The following SAMD12 variants were observed in gnomAD, a reference collection of about 807,000 sequenced individuals.
SAMD12 encodes sterile alpha motif domain containing 12.
Under a neutral mutation model 15.0 loss-of-function variants are expected in SAMD12, and 9 were observed. That is an observed-to-expected ratio of 0.60 (90% confidence interval 0.36 to 1.05). The LOEUF (loss-of-function observed/expected upper bound fraction) is 1.05, where lower values mean the gene tolerates loss of function less well. Among genes scored for constraint, SAMD12 ranks in the 50% least tolerant of loss-of-function variants. The pLI is 0.01. For synonymous variants in SAMD12, 86 were observed against 90.1 expected (o/e 0.96, Z 0.25); for missense variants, 230 against 234.2 (o/e 0.98, Z 0.12).
chr8:118,245,315 T>G (rs1296057198), intron 4 of SAMD12, among the ~76,000 whole-genome samples: 1 of 152,108 alleles, frequency 6.6e-6, no homozygotes, highest in South Asian at 2.1e-4. Context: ...AACAGTGAAC[T>G]TATTCAACAG....
chr8:118,143,272 T>C, the SAMD12 span, among the ~76,000 whole-genome samples: 1 of 152,162 alleles, frequency 6.6e-6, no homozygotes, highest in Non-Finnish European at 1.5e-5. Flanking sequence ...GAATTACTTA[T>C]AGAATTAGTT....
chr8:118,477,882 G>A (rs547450522), intron 2 of SAMD12, among the ~76,000 whole-genome samples: 2 of 151,788 alleles, frequency 1.3e-5, no homozygotes, highest in Admixed American at 6.6e-5. Flanking sequence ...AGGTGTGGCA[G>A]AGGGTGCCTG....
chr8:118,522,733 C>T (rs4876849), intron 2 of SAMD12, among the ~76,000 whole-genome samples: 105,646 of 151,996 alleles, frequency 0.7, 38,031 homozygotes, highest in African/African-American at 0.9. Context: ...CAACATGGCT[C>T]AATGGAACAA....
intron 3 of SAMD12, among the ~76,000 whole-genome samples, chr8:118,381,219 T>C (rs958881360): frequency 3.9e-5 from 6 of 152,278 alleles, no homozygotes; most frequent in East Asian, 1.9e-4. Flanking sequence ...AGTTCTTGGA[T>C]GTGCGGTGGT....
At chr8:118,566,466 T>C (rs1586823630) in intron 2 of SAMD12, among the ~76,000 whole-genome samples, 1 of 152,144 alleles carries the variant, frequency 6.6e-6, no homozygotes, top group South Asian at 2.1e-4. Context: ...CCCGTGAAGG[T>C]AGAACTCACT....
intron 2 of SAMD12, among the ~76,000 whole-genome samples, chr8:118,475,721 A>G (rs1274976028): frequency 6.6e-6 from 1 of 152,208 alleles, no homozygotes; most frequent in East Asian, 1.9e-4. Context: ...ACAAAATTGG[A>G]ATCAAAAAAT....
At chr8:118,575,225 A>T (rs1827117397) in intron 2 of SAMD12, among the ~76,000 whole-genome samples, 1 of 152,192 alleles carries the variant, frequency 6.6e-6, no homozygotes, top group Non-Finnish European at 1.5e-5. Flanking sequence ...ATATTAGCCT[A>T]ATGAGAAAAG....
chr8:118,464,600 C>G (rs778068850), intron 2 of SAMD12, among the ~76,000 whole-genome samples: 10 of 152,096 alleles, frequency 6.6e-5, no homozygotes, highest in Non-Finnish European at 1.2e-4. Flanking sequence ...AAAGAGAAAG[C>G]CTTTTGAAAG....
intron 3 of SAMD12, among the ~76,000 whole-genome samples, chr8:118,389,735 T>C (rs1014557249): frequency 7.0e-6 from 1 of 143,046 alleles, no homozygotes; most frequent in Non-Finnish European, 1.5e-5. Context: ...AAAAAAAAGA[T>C]AGACGGTAGT....
intron 4 of SAMD12, among the ~76,000 whole-genome samples, chr8:118,298,067 G>C (rs937373818): frequency 9.2e-5 from 7 of 76,226 alleles, no homozygotes; most frequent in African/African-American, 3.8e-4. Context: ...GTGGGGTGTG[G>C]TCACACCTAC....
chr8:118,388,202 G>A (rs560021735), intron 3 of SAMD12, among the ~76,000 whole-genome samples: 2 of 152,276 alleles, frequency 1.3e-5, no homozygotes, highest in Admixed American at 6.5e-5. Flanking sequence ...TGTGAAACCC[G>A]CAGCAAGGAG....
chr8:118,148,609 C>T, the SAMD12 span, among the ~76,000 whole-genome samples: 2 of 152,124 alleles, frequency 1.3e-5, no homozygotes, highest in Non-Finnish European at 2.9e-5. Flanking sequence ...CAGAACACAA[C>T]CATTACCACA....
At chr8:118,294,415 G>A (rs762280820) in intron 4 of SAMD12, among the ~76,000 whole-genome samples, 3 of 152,214 alleles carry the variant, frequency 2.0e-5, no homozygotes, top group Non-Finnish European at 4.4e-5. Context: ...TGTTTCACCA[G>A]AGGAAGAAGA....
the SAMD12 span, among the ~76,000 whole-genome samples, chr8:118,167,628 G>A: frequency 3.3e-5 from 5 of 152,256 alleles, no homozygotes; most frequent in East Asian, 7.7e-4. Context: ...TATCTAGAAT[G>A]AGGGAGCAAT....
In SAMD12 at chr8:118,200,021, C is replaced by T. The variant is rs17451928; in HGVS notation, c.434-2289G>A. ...GGGGCAGTTTCCCCCATATTGTTCT[C>T]GTAGTAATGAATAAGTCTCATGAGA... On this transcript the variant is annotated intron_variant, in intron 4 of 4. Transcript: ENST00000409003. Among the ~76,000 whole-genome samples the T allele has an allele frequency of 9.0e-4, 137 of 152,158 alleles. No homozygotes were observed. In the East Asian group the frequency reaches 0.022, roughly 24 times the overall value.
chr8:118,394,315 G>A (rs1310474905), intron 3 of SAMD12, among the ~76,000 whole-genome samples: 6 of 152,128 alleles, frequency 3.9e-5, no homozygotes, highest in Non-Finnish European at 5.9e-5. Context: ...GAGCTTCAAG[G>A]GTTGGTTCAG....
At chr8:118,566,707 C>A (rs935435321) in intron 2 of SAMD12, among the ~76,000 whole-genome samples, 4 of 152,142 alleles carry the variant, frequency 2.6e-5, no homozygotes, top group African/African-American at 9.7e-5. Flanking sequence ...ATAGGCAGAT[C>A]CAAACCAGAG....
rs10106096 is a variant in SAMD12 at position 118,222,624 on chromosome 8, G to A, written c.434-24892C>T. Among the ~76,000 whole-genome samples, 437 of 152,200 alleles carry A rather than the reference G, an allele frequency of 2.9e-3. 1 individual carries two copies. The highest frequency in any genetic ancestry group is 5.8e-3 in the Admixed American group (88 of 15,290). The stretch of plus-strand genomic sequence containing the variant: ...GGGTTCAAGCGATTCTGCTGCCTCA[G>A]TCTCCCGAGTAGCTGGGATTACAGG... On this transcript the variant is annotated intron_variant, in intron 4 of 4. Coordinates refer to the SAMD12 transcript ENST00000409003.
rs567477424 is a variant in SAMD12, at chr8:118,414,031, G to A, written c.322+25801C>T. Among the ~76,000 whole-genome samples the A allele has an allele frequency of 1.5e-4, 23 of 152,182 alleles. 1 individual carries two copies. The South Asian group carries it at 2.7e-3, about 18-fold the overall frequency. On this transcript the variant is annotated intron_variant, in intron 3 of 3. Coordinates refer to ENST00000314727, the MANE Select transcript of SAMD12 (RefSeq NM_207506.3). Reference sequence around the variant, plus strand: ...CAATTGCTGTCAGGCTTGACTATCCGCCAAATGACTGATCATAATGGCATA... The same window carrying A: ...CAATTGCTGTCAGGCTTGACTATCCACCAAATGACTGATCATAATGGCATA...
Sources: gnomAD v4.1 joint callset for allele counts (sites outside exome capture counted in the v4.1 genomes callset) on GRCh38, gnomAD v4.1.1 for gene constraint, MANE v1.5 for transcripts, NCBI Gene and HGNC (gene_info 2026-07-23, HGNC 2026-07-21) for gene names.